Variants in ATP8A1 observed in about 807,000 individuals in gnomAD.
The protein encoded by ATP8A1 is phospholipid-transporting ATPase IA.
In ATP8A1, 90 loss-of-function variants were observed where a neutral mutation model predicts 177.7. The observed-to-expected ratio is 0.51, with a 90% CI of 0.43 to 0.60. ATP8A1 has a LOEUF of 0.60. Among genes scored for constraint, ATP8A1 ranks in the 20% least tolerant of loss-of-function variants. The pLI, the probability that ATP8A1 is intolerant of heterozygous loss-of-function variation, is 0.00. For missense variants in ATP8A1, 1,072 were observed against 1,392.8 expected (o/e 0.77, Z 3.67); for synonymous variants, 493 against 485.9 (o/e 1.01, Z -0.19).
At chr4:42,586,554 T>G in intron 8 of ATP8A1, 78 bp from the exon 9 acceptor site, 2 of 1,384,854 alleles carry the variant, frequency 1.4e-6, no homozygotes, top group Non-Finnish European at 2.0e-6. Context: ...TTTGAATTCA[T>G]CCAAGTCTTA....
intron 24 of ATP8A1, among the ~76,000 whole-genome samples, chr4:42,493,107 C>G (rs1445423922): frequency 6.6e-6 from 1 of 152,124 alleles, no homozygotes; most frequent in South Asian, 2.1e-4. Flanking sequence ...TACAAACGTG[C>G]AGTCATAAAA....
chr4:42,458,801 C>T (rs913830680), intron 27 of ATP8A1, among the ~76,000 whole-genome samples: 10 of 152,196 alleles, frequency 6.6e-5, no homozygotes, highest in African/African-American at 2.2e-4. Context: ...CCAGTAGAGG[C>T]GTGGCAGCTA....
chr4:42,466,533 T>C (rs1020856926), intron 25 of ATP8A1, among the ~76,000 whole-genome samples: 1 of 152,226 alleles, frequency 6.6e-6, no homozygotes, highest in African/African-American at 2.4e-5. Flanking sequence ...TGCATTAGAC[T>C]GTGAGCTGCC....
At position 42,426,620 on chromosome 4, in the gene ATP8A1, TATTAACAAAC is replaced by T. The variant is rs1714653216; in HGVS notation, c.3124-2925_3124-2916del. On this transcript the variant is annotated intron_variant, in intron 33 of 36. Coordinates refer to ENST00000381668, the MANE Select transcript of ATP8A1 (RefSeq NM_006095.2). Reference sequence around the variant, plus strand: ...TGTAAAGTGGCTGCATAACATTGATTATTAACAAACTTTCTTCATTTCAATTGTCAAATTT... The same window carrying T: ...TGTAAAGTGGCTGCATAACATTGATTTTTCTTCATTTCAATTGTCAAATTT... 2.0e-5 allele frequency among the ~76,000 whole-genome samples: 3 copies of T among 152,284 alleles called. No individual in the cohort carries two copies. The South Asian group carries it at 6.2e-4, about 32-fold the overall frequency.
At chr4:42,551,866 A>T (rs372614868) in intron 17 of ATP8A1, among the ~76,000 whole-genome samples, 1 of 152,198 alleles carries the variant, frequency 6.6e-6, no homozygotes, top group South Asian at 2.1e-4. Context: ...AGTATATCCT[A>T]TAAGTCACAG....
At chr4:42,473,820 G>GGT (rs71648732) in intron 25 of ATP8A1, among the ~76,000 whole-genome samples, 2 of 131,672 alleles carry the variant, frequency 1.5e-5, no homozygotes. Flanking sequence ...TAATTTTTGT[G>GGT]TTTTTTTTTT....
chr4:42,503,440 T>G lies in ATP8A1; in HGVS notation c.2151+10A>C. The G allele has an allele frequency of 1.3e-6, 2 of 1,542,578 alleles. No individual in the cohort carries two copies. Among genetic ancestry groups the G allele is most frequent in the Non-Finnish European group, 1.8e-6 (2 of 1,120,766 alleles). ...TTAAAGGAGTTTTAAAAATACATAA[T>G]TTTACTTACATCAAGAGAGCCTTCA... On this transcript the variant is annotated intron_variant, in intron 24 of 36. Transcript: ENST00000381668.
chr4:42,422,948 A>AT, intron 34 of ATP8A1, 49 bp from the exon 35 acceptor site: 1 of 1,457,324 alleles, frequency 6.9e-7, no homozygotes, highest in Non-Finnish European at 9.4e-7. Flanking sequence ...TTCTGTGAAG[A>AT]TTTTACAAAA....
chr4:42,412,793 G>A lies in ATP8A1; in HGVS notation c.*123C>T, dbSNP rs996620177. ...TACATGAATCTGAATGTCCATCAGC[G>A]AGATGAGCTCAGATCTACCTTTCCT... On this transcript the variant is annotated 3_prime_UTR_variant, in exon 37 of 37. Transcript: ENST00000381668. 8 of 709,892 alleles carry A rather than the reference G, an allele frequency of 1.1e-5. No individual in the cohort carries two copies. The highest frequency in any genetic ancestry group is 1.8e-5 in the South Asian group (1 of 56,040). The allele number at this position is 709,892 out of a possible 1,614,324, so 44.0% of individuals were successfully genotyped here. A position where few individuals can be genotyped will look rare whatever the true frequency, so the allele number is the denominator to read the frequency against.
rs1733632027 is a variant in ATP8A1 at position 42,586,525 on chromosome 4, C to T, written c.595-49G>A. The stretch of plus-strand genomic sequence containing the variant: ...AAAAAGTATATTAAATAAGTTGTAT[C>T]TGGGCAAAGAGGAGGAATTTTGAAT... On this transcript the variant is annotated intron_variant, in intron 8 of 36. Coordinates refer to ENST00000381668, the MANE Select transcript of ATP8A1 (RefSeq NM_006095.2). 2.5e-6 allele frequency: 4 copies of T among 1,576,770 alleles called. 1 individual carries two copies. In the South Asian group the frequency reaches 4.6e-5, roughly 18 times the overall value.
chr4:42,420,682 C>T (rs907287296), intron 35 of ATP8A1, among the ~76,000 whole-genome samples: 2 of 152,060 alleles, frequency 1.3e-5, no homozygotes, highest in Non-Finnish European at 2.9e-5. Context: ...TGGAAATTTA[C>T]TACTAAGGAT....
At chr4:42,602,361 TG>T (rs1487418902) in intron 5 of ATP8A1, among the ~76,000 whole-genome samples, 5 of 152,196 alleles carry the variant, frequency 3.3e-5, no homozygotes, top group Admixed American at 2.0e-4. Flanking sequence ...AGTAGGGGTT[TG>T]GTGTTTCTGA....
At chr4:42,655,950 G>T (rs528656800) in intron 1 of ATP8A1, among the ~76,000 whole-genome samples, 1 of 152,326 alleles carries the variant, frequency 6.6e-6, no homozygotes, top group African/African-American at 2.4e-5. Context: ...TCAAGTACAG[G>T]TTTATGGGAG....
In ATP8A1 at chr4:42,555,977, T is replaced by C; in HGVS notation, c.1404A>G (p.Gln468=). The change falls in exon 16 of 37, where the codon CAA becomes CAG. Residue 468 remains glutamine, a synonymous_variant. Transcript: ENST00000381668. ...FSDSSLLENL[Q]NNHPTAPIIC... ...GTTTTATGTAACTTACATGATTATT[T>C]TGGAGATTTTCCAGCAATGATGAAT... The C allele has an allele frequency of 1.2e-6, 2 of 1,607,026 alleles. No homozygotes were observed. Among genetic ancestry groups the C allele is most frequent in the Non-Finnish European group, 8.5e-7 (1 of 1,175,186 alleles).
At chr4:42,490,602 C>CTGGGGTAACA (rs1722651645) in intron 24 of ATP8A1, among the ~76,000 whole-genome samples, 1 of 152,160 alleles carries the variant, frequency 6.6e-6, no homozygotes, top group African/African-American at 2.4e-5. Flanking sequence ...TTACCTAATC[C>CTGGGGTAACA]CCTCTAGTTC....
chr4:42,432,249 C>A (rs1211626937), intron 33 of ATP8A1, among the ~76,000 whole-genome samples: 2 of 152,092 alleles, frequency 1.3e-5, no homozygotes, highest in Non-Finnish European at 2.9e-5. Flanking sequence ...ACTTTAACAT[C>A]TATATTTTTA....
At chr4:42,569,722 T>C (rs1193403550) in intron 14 of ATP8A1, among the ~76,000 whole-genome samples, 3 of 152,230 alleles carry the variant, frequency 2.0e-5, no homozygotes, top group Non-Finnish European at 4.4e-5. Flanking sequence ...TATAATTAAA[T>C]GGAACCTTAG....
chr4:42,595,311 T>C (rs939099690), intron 6 of ATP8A1, among the ~76,000 whole-genome samples: 2 of 152,202 alleles, frequency 1.3e-5, no homozygotes, highest in Non-Finnish European at 2.9e-5. Flanking sequence ...GTGGGAATCA[T>C]AATAAGAAAT....
Position 42,464,715 on chromosome 4 carries a change from T to C in ATP8A1, c.2594A>G (p.Lys865Arg). 1 of 1,609,522 alleles carries C rather than the reference T, an allele frequency of 6.2e-7. No homozygotes were observed. The highest frequency in any genetic ancestry group is 8.5e-7 in the Non-Finnish European group (1 of 1,176,228). ...VSKCILYCFYKNIVLYIIEIW... is the reference protein window; with the variant it reads ...VSKCILYCFYRNIVLYIIEIW... The stretch of plus-strand genomic sequence containing the variant: ...CTCGATAATATAGAGCACTATATTC[T>C]TGTAGAAGCAGTATAAGATGCACTT... The change falls in exon 27 of 37, where the codon AAG (lysine) becomes AGG (arginine). Residue 865 changes from lysine (K) to arginine (R), a missense_variant. Coordinates refer to ENST00000381668, the MANE Select transcript of ATP8A1 (RefSeq NM_006095.2).
Sources: gnomAD v4.1 joint callset for allele counts (sites outside exome capture counted in the v4.1 genomes callset) on GRCh38, gnomAD v4.1.1 for gene constraint, MANE v1.5 for transcripts, NCBI Gene and HGNC (gene_info 2026-07-23, HGNC 2026-07-21) for gene names.